Variants in TBP observed in about 807,000 individuals in gnomAD.
The protein encoded by TBP is TATA-box-binding protein.
Under a neutral mutation model 46.2 loss-of-function variants are expected in TBP, and 12 were observed. The observed-to-expected ratio is 0.26, with a 90% CI of 0.17 to 0.42. TBP has a LOEUF of 0.42. Ranked by LOEUF, TBP falls within the 10% of genes least tolerant of loss-of-function variation. The probability of loss-of-function intolerance (pLI) is 1.00; values close to 1 mark genes in which losing one functional copy is unlikely to be tolerated. For synonymous variants in TBP, 157 were observed against 148.3 expected (o/e 1.06, Z -0.42); for missense variants, 229 against 403.1 (o/e 0.57, Z 3.70).
At chr6:170,563,628 G>T (rs1027873369) in intron 3 of TBP, among the ~76,000 whole-genome samples, 5 of 151,994 alleles carry the variant, frequency 3.3e-5, no homozygotes, top group Non-Finnish European at 5.9e-5. Flanking sequence ...CTTTACAGTT[G>T]TGTATCATAG....
chr6:170,572,081 A>G, intron 7 of TBP, 105 bp from the exon 8 acceptor site: 6 of 831,328 alleles, frequency 7.2e-6, no homozygotes, highest in Non-Finnish European at 8.3e-6. Flanking sequence ...CTGACTGGGT[A>G]TGGTGAGAAT....
At chr6:170,569,563 A>G in intron 5 of TBP, 49 bp from the exon 6 acceptor site, 1 of 1,555,246 alleles carries the variant, frequency 6.4e-7, no homozygotes, top group Non-Finnish European at 8.7e-7. Flanking sequence ...CTAAATAAGT[A>G]TTTTAGCTGG....
chr6:170,567,062 A>T lies in TBP; in HGVS notation c.677+53A>T. 4 of 1,481,678 alleles carry T rather than the reference A, an allele frequency of 2.7e-6. No individual in the cohort carries two copies. The South Asian group carries it at 4.9e-5, about 18-fold the overall frequency. 91.8% of individuals were successfully genotyped at this position (1,481,678 alleles called of 1,614,324 possible). The stretch of plus-strand genomic sequence containing the variant: ...TCTATGGGTTATGAATGAAAAGGTG[A>T]TATCTCATTGTTTTTAGGTTATTAG... On this transcript the variant is annotated intron_variant, in intron 5 of 7. Coordinates refer to ENST00000392092, the MANE Select transcript of TBP (RefSeq NM_003194.5).
intron 2 of TBP, among the ~76,000 whole-genome samples, chr6:170,557,722 C>T (rs1445985450): frequency 9.8e-6 from 1 of 102,212 alleles, no homozygotes; most frequent in Non-Finnish European, 1.8e-5. Context: ...GGAGACAGAG[C>T]GAGACTCTGT....
intron 1 of TBP, 124 bp downstream of exon 1, chr6:170,554,587 C>G (rs1010546482): frequency 6.5e-6 from 1 of 152,722 alleles, no homozygotes; most frequent in African/African-American, 2.4e-5. Context: ...GGACGTTCCT[C>G]CCTTTCGTGC....
chr6:170,564,602 T>C lies in TBP; in HGVS notation c.555T>C (p.Leu185=). The change falls in exon 4 of 8, where the codon CTT becomes CTC. Residue 185 remains leucine, a synonymous_variant. Coordinates refer to ENST00000392092, the MANE Select transcript of TBP (RefSeq NM_003194.5). ...AACTTGACCTAAAGACCATTGCACTTCGTGCCCGAAACGCCGAATATAATC... is the reference window on the plus strand; with the variant it reads ...AACTTGACCTAAAGACCATTGCACTCCGTGCCCGAAACGCCGAATATAATC... ...GCKLDLKTIA[L]RARNAEYNPK... 6.2e-7 allele frequency: 1 copy of C among 1,611,298 alleles called. No homozygotes were observed.
At chr6:170,571,885 T>C (rs1397880124) in intron 7 of TBP, among the ~76,000 whole-genome samples, 1 of 151,826 alleles carries the variant, frequency 6.6e-6, no homozygotes, top group African/African-American at 2.4e-5. Flanking sequence ...GTTGTTATCA[T>C]TGCCGTCCTG....
At chr6:170,560,571 C>T (rs1384893108) in intron 2 of TBP, among the ~76,000 whole-genome samples, 1 of 152,164 alleles carries the variant, frequency 6.6e-6, no homozygotes, top group Non-Finnish European at 1.5e-5. Context: ...ATTCACCATT[C>T]TAGATGCCAT....
rs372737526 is a variant in TBP at position 170,572,371 on chromosome 6, T to C, written c.*106T>C. The C allele has an allele frequency of 2.2e-4, 215 of 955,716 alleles. 3 individuals carry two copies. In the African/African-American group the frequency reaches 3.1e-3, roughly 14 times the overall value. 59.2% of individuals were successfully genotyped at this position (955,716 alleles called of 1,614,324 possible). On this transcript the variant is annotated 3_prime_UTR_variant, in exon 8 of 8. Transcript: ENST00000392092. ...TGGTGGTGTTGTGAGAAGATGGATG[T>C]TGAGTTGCAGGGTGTGGCACCAGGT...
In TBP at chr6:170,561,943, GCAGCAGCAACAGCAA is replaced by G. The variant is rs770152507; in HGVS notation, c.216_230del (p.Gln91_Gln95del). The stretch of plus-strand genomic sequence containing the variant: ...AACAACAACAGCAGCAGCAGCAGCA[GCAGCAGCAACAGCAA>G]CAGCAGCAGCAGCAGCAGCAGCAGC... On this transcript the variant is annotated inframe_deletion, in exon 3 of 8. Coordinates refer to ENST00000392092, the MANE Select transcript of TBP (RefSeq NM_003194.5). The G allele has an allele frequency of 4.3e-5, 68 of 1,579,568 alleles. 1 individual carries two copies. In the East Asian group the frequency reaches 1.3e-3, roughly 31 times the overall value.
rs557320476 is a variant in TBP at position 170,555,878 on chromosome 6, T to G, written c.-148-1004T>G. On this transcript the variant is annotated intron_variant, in intron 1 of 7. Transcript: ENST00000392092. ...TTGAACACTTTGATGCCAAGGACTA[T>G]ATCCTCCTATCTTTATATCCTCATC... 5.9e-5 allele frequency among the ~76,000 whole-genome samples: 9 copies of G among 152,368 alleles called. No individual in the cohort carries two copies. In the South Asian group the frequency reaches 1.7e-3, roughly 28 times the overall value.
intron 1 of TBP, among the ~76,000 whole-genome samples, chr6:170,555,471 G>C (rs1358059016): frequency 6.6e-6 from 1 of 152,188 alleles, no homozygotes; most frequent in Non-Finnish European, 1.5e-5. Flanking sequence ...ATCTGCTGCA[G>C]TGACCTTCTA....
At chr6:170,570,582 C>T (rs1024329934) in intron 6 of TBP, among the ~76,000 whole-genome samples, 1 of 152,176 alleles carries the variant, frequency 6.6e-6, no homozygotes. Flanking sequence ...CCTGTAATCC[C>T]AGCATTTTGG....
chr6:170,557,381 T>A (rs1021390538), intron 2 of TBP, among the ~76,000 whole-genome samples: 1 of 152,124 alleles, frequency 6.6e-6, no homozygotes, highest in Admixed American at 6.5e-5. Flanking sequence ...CTCACCAAAT[T>A]ATTTTCTAGT....
intron 2 of TBP, 101 bp from the exon 3 acceptor site, chr6:170,561,690 G>A (rs1779140383): frequency 1.3e-6 from 2 of 1,522,652 alleles, no homozygotes; most frequent in South Asian, 2.6e-5. Flanking sequence ...ATTCTCCGAA[G>A]GCATCTGTCT....
chr6:170,569,927 TGTTCTC>T, intron 6 of TBP, 148 bp downstream of exon 6: 1 of 784,708 alleles, frequency 1.3e-6, no homozygotes, highest in Non-Finnish European at 1.9e-6. Flanking sequence ...GTCTTCCTGA[TGTTCTC>T]AGTCATATTT....
intron 7 of TBP, 115 bp downstream of exon 7, chr6:170,571,619 A>C: frequency 1.3e-6 from 1 of 774,766 alleles, no homozygotes; most frequent in Non-Finnish European, 2.1e-6. Context: ...TCTTGTACAA[A>C]GGCCTCCCAC....
Position 170,572,345 on chromosome 6 carries a change from ATGG to A in TBP, c.*86_*88del, listed in dbSNP as rs2115004644. On this transcript the variant is annotated 3_prime_UTR_variant, in exon 8 of 8. Transcript: ENST00000392092. Reference sequence around the variant, plus strand: ...AATCAGTTTGTTTTGGTACCTTTAAATGGTGGTGTTGTGAGAAGATGGATGTTG... The same window carrying A: ...AATCAGTTTGTTTTGGTACCTTTAAATGGTGTTGTGAGAAGATGGATGTTG... 2.6e-6 allele frequency: 3 copies of A among 1,175,392 alleles called. No homozygotes were observed. Among genetic ancestry groups the A allele is most frequent in the South Asian group, 2.6e-5 (2 of 76,838 alleles). The allele number at this position is 1,175,392 out of a possible 1,614,324, so 72.8% of individuals were successfully genotyped here. A position where few individuals can be genotyped will look rare whatever the true frequency, so the allele number is the denominator to read the frequency against.
rs1332488784 is a variant in TBP, at chr6:170,569,808, T to C, written c.845+29T>C. ...AGTCTGAAATGTATTATGATTGTTA[T>C]TGGCAACAGTTCATTTATAATCTAA... is the stretch of plus-strand genomic sequence containing the variant. On this transcript the variant is annotated intron_variant, in intron 6 of 7. Transcript: ENST00000392092. 7 of 1,587,542 alleles carry C rather than the reference T, an allele frequency of 4.4e-6. No individual in the cohort carries two copies. The Admixed American group carries it at 1.0e-4, about 24-fold the overall frequency.
Sources: gnomAD v4.1 joint callset for allele counts (sites outside exome capture counted in the v4.1 genomes callset) on GRCh38, gnomAD v4.1.1 for gene constraint, MANE v1.5 for transcripts, NCBI Gene and HGNC (gene_info 2026-07-23, HGNC 2026-07-21) for gene names.